The following CSMD1 variants were observed in gnomAD, a reference collection of about 807,000 sequenced individuals.
CSMD1 encodes the protein CUB and Sushi multiple domains 1, also known as CUB and sushi domain-containing protein 1.
CSMD1 carries 213 observed loss-of-function variants against 417.5 expected under a neutral mutation model. The ratio of observed to expected loss-of-function variants is 0.51; its 90% CI spans 0.46 to 0.57. The LOEUF (loss-of-function observed/expected upper bound fraction) is 0.57. Among genes scored for constraint, CSMD1 ranks in the 20% least tolerant of loss-of-function variants. The probability of loss-of-function intolerance (pLI) is 0.00; values close to 1 mark genes in which losing one functional copy is unlikely to be tolerated. For missense variants in CSMD1, 6,923 were observed against 4,529.7 expected, an observed-to-expected ratio of 1.53 and a Z score of -15.17; for synonymous variants, 2,862 against 1,736.8, an observed-to-expected ratio of 1.65 and a Z score of -16.11.
intron 5 of CSMD1, among the ~76,000 whole-genome samples, chr8:3,831,905 C>T (rs750145448): frequency 6.6e-6 from 1 of 152,242 alleles, no homozygotes; most frequent in South Asian, 2.1e-4. Flanking sequence ...CCAGAAATAT[C>T]AAGACTTTTA....
chr8:4,057,670 T>A (rs1798767011), intron 3 of CSMD1, among the ~76,000 whole-genome samples: 1 of 147,980 alleles, frequency 6.8e-6, no homozygotes, highest in South Asian at 2.2e-4. Flanking sequence ...GTTTTAGGTG[T>A]AACGTTTAAG....
intron 9 of CSMD1, among the ~76,000 whole-genome samples, chr8:3,585,319 A>T (rs1316145259): frequency 6.6e-6 from 1 of 152,254 alleles, no homozygotes; most frequent in Non-Finnish European, 1.5e-5. Context: ...ACGTGAAAAG[A>T]CTATATGGAA....
intron 5 of CSMD1, among the ~76,000 whole-genome samples, chr8:3,866,330 G>C (rs866476266): frequency 6.6e-6 from 1 of 152,152 alleles, no homozygotes; most frequent in African/African-American, 2.4e-5. Context: ...GAACCCTGGG[G>C]ATTGGCATTT....
chr8:3,183,893 C>G, intron 36 of CSMD1, among the ~76,000 whole-genome samples: 1 of 152,300 alleles, frequency 6.6e-6, no homozygotes, highest in East Asian at 1.9e-4. Flanking sequence ...CTTATGTTAA[C>G]CAGAATTAGT....
intron 1 of CSMD1, among the ~76,000 whole-genome samples, chr8:4,910,448 T>C (rs1031498265): frequency 3.9e-5 from 6 of 152,214 alleles, no homozygotes; most frequent in South Asian, 2.1e-4. Context: ...GATCAAGTTA[T>C]TAGCGGGTTT....
intron 5 of CSMD1, among the ~76,000 whole-genome samples, chr8:3,805,908 G>A (rs564482507): frequency 6.6e-6 from 1 of 152,066 alleles, no homozygotes; most frequent in Admixed American, 6.6e-5. Context: ...TCTTGTAGTG[G>A]ACATGCTCAC....
intron 5 of CSMD1, among the ~76,000 whole-genome samples, chr8:3,871,146 T>C (rs927276725): frequency 1.7e-4 from 26 of 152,114 alleles, no homozygotes; most frequent in Admixed American, 1.7e-3. Context: ...AAGTAATACC[T>C]CACTCATCAT....
At chr8:3,509,786 C>G (rs907136755) in intron 10 of CSMD1, among the ~76,000 whole-genome samples, 1 of 152,176 alleles carries the variant, frequency 6.6e-6, no homozygotes, top group African/African-American at 2.4e-5. Flanking sequence ...TGCCTTCTGT[C>G]CTGGAGCACA....
intron 3 of CSMD1, among the ~76,000 whole-genome samples, chr8:4,072,937 C>G (rs937326491): frequency 6.6e-6 from 1 of 152,126 alleles, no homozygotes; most frequent in Admixed American, 6.5e-5. Context: ...TTAGAACATT[C>G]TTTCAAAAGT....
chr8:4,544,430 G>T (rs117390464), intron 2 of CSMD1, among the ~76,000 whole-genome samples: 1 of 151,820 alleles, frequency 6.6e-6, no homozygotes, highest in Admixed American at 6.6e-5. Flanking sequence ...ATAAAATTTT[G>T]TAATAGTTAT....
At chr8:3,159,760 G>C (rs1159760548) in intron 38 of CSMD1, among the ~76,000 whole-genome samples, 1 of 152,216 alleles carries the variant, frequency 6.6e-6, no homozygotes, top group Non-Finnish European at 1.5e-5. Context: ...GGTCTGCTGG[G>C]ACTGTGCAGA....
At chr8:3,144,068 G>A (rs539970811) in intron 40 of CSMD1, among the ~76,000 whole-genome samples, 2 of 152,268 alleles carry the variant, frequency 1.3e-5, no homozygotes, top group South Asian at 2.1e-4. Context: ...CTGCTTGGTG[G>A]GCATCACGTA....
chr8:4,952,342 A>T (rs1170634137), intron 1 of CSMD1, among the ~76,000 whole-genome samples: 1 of 42,662 alleles, frequency 2.3e-5, no homozygotes, highest in Non-Finnish European at 5.3e-5. Context: ...CAAACCCAAT[A>T]AGTGAAACTG....
At chr8:4,728,850 G>A (rs922174935) in intron 1 of CSMD1, among the ~76,000 whole-genome samples, 4 of 152,130 alleles carry the variant, frequency 2.6e-5, no homozygotes, top group Non-Finnish European at 4.4e-5. Flanking sequence ...GGCATCTACT[G>A]AGATTAATAA....
intron 3 of CSMD1, among the ~76,000 whole-genome samples, chr8:4,324,088 T>C (rs1487626208): frequency 6.6e-6 from 1 of 152,152 alleles, no homozygotes; most frequent in Non-Finnish European, 1.5e-5. Context: ...TTTACACCTT[T>C]TACCTTCCCA....
intron 7 of CSMD1, among the ~76,000 whole-genome samples, chr8:3,670,535 CATATACATATATCCCAT>C (rs1469610893): frequency 1.1e-5 from 1 of 92,608 alleles, no homozygotes; most frequent in Non-Finnish European, 2.6e-5. Flanking sequence ...ACATATATCC[CATATACATATATCCCAT>C]ATATATATGC....
chr8:4,535,411 A>G (rs1217496656), intron 2 of CSMD1, among the ~76,000 whole-genome samples: 1 of 152,176 alleles, frequency 6.6e-6, no homozygotes, highest in Non-Finnish European at 1.5e-5. Flanking sequence ...GATGAACAAT[A>G]GAATTCATTT....
intron 25 of CSMD1, among the ~76,000 whole-genome samples, chr8:3,296,103 G>A (rs999501175): frequency 9.9e-5 from 15 of 151,886 alleles, no homozygotes; most frequent in African/African-American, 3.6e-4. Context: ...TGCAATTGAA[G>A]AAATAAAAAA....
At chr8:3,394,357 T>A (rs1316869432) in intron 17 of CSMD1, among the ~76,000 whole-genome samples, 1 of 151,028 alleles carries the variant, frequency 6.6e-6, no homozygotes, top group Non-Finnish European at 1.5e-5. Context: ...CTTTTTATCA[T>A]TTCCTGATTT....
Sources: gnomAD v4.1 joint callset for allele counts (sites outside exome capture counted in the v4.1 genomes callset) on GRCh38, gnomAD v4.1.1 for gene constraint, MANE v1.5 for transcripts, NCBI Gene and HGNC (gene_info 2026-07-23, HGNC 2026-07-21) for gene names.